Variants in PLEKHA7 observed in about 807,000 individuals in gnomAD.
The protein encoded by PLEKHA7 is pleckstrin homology domain containing A7, also known as pleckstrin homology domain-containing family A member 7.
PLEKHA7 carries 104 observed loss-of-function variants against 170.0 expected under a neutral mutation model. The ratio of observed to expected loss-of-function variants is 0.61; its 90% CI spans 0.52 to 0.72. The LOEUF is 0.72. Ranked by LOEUF, PLEKHA7 falls within the 30% of genes least tolerant of loss-of-function variation. The pLI, the probability that PLEKHA7 is intolerant of heterozygous loss-of-function variation, is 0.00. For missense variants in PLEKHA7, 1,615 were observed against 1,671.7 expected (o/e 0.97, Z 0.59); for synonymous variants, 648 against 660.8 (o/e 0.98, Z 0.30).
intron 3 of PLEKHA7, among the ~76,000 whole-genome samples, chr11:16,972,276 C>A (rs1253205855): frequency 6.6e-6 from 1 of 152,074 alleles, no homozygotes; most frequent in South Asian, 2.1e-4. Flanking sequence ...CGCACACCAC[C>A]ACACTCAGCT....
At chr11:17,005,408 T>C (rs967753370) in intron 3 of PLEKHA7, among the ~76,000 whole-genome samples, 1 of 152,174 alleles carries the variant, frequency 6.6e-6, no homozygotes, top group Non-Finnish European at 1.5e-5. Flanking sequence ...GGTGGGTGTC[T>C]GTAATCCCAG....
At chr11:16,882,891 G>C (rs988288872) in intron 3 of PLEKHA7, among the ~76,000 whole-genome samples, 1 of 150,004 alleles carries the variant, frequency 6.7e-6, no homozygotes, top group Non-Finnish European at 1.5e-5. Context: ...CACACACAGA[G>C]TTCAGAGTGG....
chr11:16,961,964 T>C (rs1862089475), intron 3 of PLEKHA7, among the ~76,000 whole-genome samples: 1 of 152,172 alleles, frequency 6.6e-6, no homozygotes, highest in Non-Finnish European at 1.5e-5. Flanking sequence ...ATATGTCCTG[T>C]GGGGCCTGAC....
intron 9 of PLEKHA7, among the ~76,000 whole-genome samples, chr11:16,830,282 C>T (rs1217261814): frequency 6.6e-6 from 1 of 152,110 alleles, no homozygotes; most frequent in Non-Finnish European, 1.5e-5. Context: ...CTGTGCCAGG[C>T]CTATTTTCTT....
chr11:16,817,468 A>T lies in PLEKHA7; in HGVS notation c.1344-146T>A. ...AGAATGATCAAGGCCGACATCCAGG[A>T]CTTCAGTCACTTCCCCTTTTGGCAG... On this transcript the variant is annotated intron_variant, in intron 10 of 26. Transcript: ENST00000531066. This position sits in a 1 kb window ranked among gnomAD's most constrained non-coding sequence, Gnocchi z 4.4. The T allele has an allele frequency of 5.5e-6, 4 of 720,862 alleles. No homozygotes were observed. Among genetic ancestry groups the T allele is most frequent in the Non-Finnish European group, 8.4e-6 (4 of 473,684 alleles). 44.7% of individuals were successfully genotyped at this position (720,862 alleles called of 1,614,324 possible). A position where few individuals can be genotyped will look rare whatever the true frequency, so the allele number is the denominator to read the frequency against.
chr11:16,808,504 A>G (rs1849142557), intron 13 of PLEKHA7, among the ~76,000 whole-genome samples: 1 of 152,174 alleles, frequency 6.6e-6, no homozygotes, highest in Non-Finnish European at 1.5e-5. Flanking sequence ...ACAACTTTAA[A>G]AACTGTCCCA....
At chr11:16,788,894 C>T in intron 23 of PLEKHA7, 1 of 655,010 alleles carries the variant, frequency 1.5e-6, no homozygotes. Flanking sequence ...GATCCTCACT[C>T]CAGCTCTGGT....
chr11:17,013,179 C>T (rs914472604), intron 3 of PLEKHA7: 1 of 152,446 alleles, frequency 6.6e-6, no homozygotes, highest in Non-Finnish European at 1.5e-5. Context: ...AACACAGACT[C>T]CCGCCGGAGT....
chr11:16,929,095 C>T (rs1453300784), intron 3 of PLEKHA7, among the ~76,000 whole-genome samples: 1 of 152,112 alleles, frequency 6.6e-6, no homozygotes. Flanking sequence ...ATTTAAAAAA[C>T]TCTCCAAAAG....
At chr11:16,941,995 T>C (rs1860726671) in intron 3 of PLEKHA7, among the ~76,000 whole-genome samples, 1 of 152,210 alleles carries the variant, frequency 6.6e-6, no homozygotes, top group South Asian at 2.1e-4. Flanking sequence ...GAAGCATAAA[T>C]ATTGCTAACT....
intron 3 of PLEKHA7, among the ~76,000 whole-genome samples, chr11:16,956,038 G>T (rs554782940): frequency 2.0e-5 from 3 of 152,302 alleles, no homozygotes; most frequent in Admixed American, 6.5e-5. Context: ...GATGAGTATG[G>T]TAAGTGACCA....
chr11:16,914,474 A>G (rs181709278), intron 3 of PLEKHA7, among the ~76,000 whole-genome samples: 20 of 152,320 alleles, frequency 1.3e-4, no homozygotes, highest in African/African-American at 4.8e-4. Context: ...TACCCACTGC[A>G]GCCACCAGAA....
intron 10 of PLEKHA7, among the ~76,000 whole-genome samples, chr11:16,822,002 C>T (rs934633835): frequency 2.0e-5 from 3 of 150,516 alleles, no homozygotes; most frequent in South Asian, 2.1e-4. Flanking sequence ...GCTCAAATCC[C>T]CATCTTGCAT....
At chr11:16,974,296 CTTT>C (rs56340937) in intron 3 of PLEKHA7, among the ~76,000 whole-genome samples, 13 of 134,724 alleles carry the variant, frequency 9.6e-5, no homozygotes, top group Non-Finnish European at 1.6e-4. Flanking sequence ...TCAGAGAATT[CTTT>C]TTTTTTTTTT....
Position 17,010,130 on chromosome 11 carries a change from G to A in PLEKHA7, c.221+3859C>T, listed in dbSNP as rs1865237647. On this transcript the variant is annotated intron_variant, in intron 3 of 26. Transcript: ENST00000531066. ...AGGCCAGGCACAGTGGCTCATGCCT[G>A]TAATCCGAGCACTTTGGGAGGCTGA... Among the ~76,000 whole-genome samples the A allele has an allele frequency of 2.6e-5, 4 of 152,248 alleles. No individual in the cohort carries two copies. In the South Asian group the frequency reaches 8.3e-4, roughly 32 times the overall value.
chr11:16,816,931 G>A lies in PLEKHA7; in HGVS notation c.1735C>T (p.Pro579Ser), dbSNP rs558533035. Reference sequence around the variant, plus strand: ...GGCCGCCGGGGTGGGAAGACCCTTGGGGGTCCTGGGGGAGGGATGTCCGAG... The same window carrying A: ...GGCCGCCGGGGTGGGAAGACCCTTGAGGGTCCTGGGGGAGGGATGTCCGAG... ...SPSDIPPPGPPRVFPPRRPHT... is the reference protein window; with the variant it reads ...SPSDIPPPGPSRVFPPRRPHT... Residue 579 changes from proline (P) to serine (S), a missense_variant, in exon 11 of 27, where the codon CCA becomes TCA. Pro to Ser is a moderately conservative substitution (Grantham distance 74). Transcript: ENST00000531066. 37 of 1,613,508 alleles carry A rather than the reference G, an allele frequency of 2.3e-5. No homozygotes were observed. The South Asian group carries it at 2.3e-4, about 10-fold the overall frequency.
At chr11:16,786,203 G>A (rs1332822374) in intron 24 of PLEKHA7, 26 bp downstream of exon 24, 2 of 1,534,932 alleles carry the variant, frequency 1.3e-6, no homozygotes, top group Non-Finnish European at 8.7e-7. Context: ...TCTCCTGGAG[G>A]ACATGAAGGA....
chr11:16,819,472 A>C (rs1432283199), intron 10 of PLEKHA7, among the ~76,000 whole-genome samples: 1 of 152,246 alleles, frequency 6.6e-6, no homozygotes, highest in Non-Finnish European at 1.5e-5. Flanking sequence ...CCTGAGAGGC[A>C]GCATGATGTT....
intron 3 of PLEKHA7, among the ~76,000 whole-genome samples, chr11:16,931,605 C>CA (rs955522426): frequency 2.1e-4 from 31 of 150,828 alleles, no homozygotes; most frequent in African/African-American, 5.6e-4. Context: ...CAAAACAAAA[C>CA]AAAAAAAACT....
Sources: allele counts gnomAD v4.1 joint callset (sites outside exome capture counted in the v4.1 genomes callset), GRCh38; gene constraint gnomAD v4.1.1; non-coding constraint Gnocchi (gnomAD v3.1); transcripts MANE v1.5; gene names NCBI Gene and HGNC (gene_info 2026-07-23, HGNC 2026-07-21).